MATN1: variants seen among roughly 807,000 people sequenced by gnomAD.
MATN1 encodes matrilin 1.
In MATN1, 34 loss-of-function variants were observed where a neutral mutation model predicts 41.3. The observed-to-expected ratio is 0.82, with a 90% CI of 0.63 to 1.10. The LOEUF is 1.10. MATN1 is among the 50% of genes least tolerant of loss of function. MATN1 has a pLI of 0.00. For synonymous variants in MATN1, 264 were observed against 278.7 expected (o/e 0.95, Z 0.53); for missense variants, 602 against 662.4 (o/e 0.91, Z 1.00).
In MATN1 at chr1:30,721,476, T is replaced by A. The variant is rs1242539245; in HGVS notation, c.370A>T (p.Ile124Phe). The A allele has an allele frequency of 6.2e-7, 1 of 1,613,570 alleles. No homozygotes were observed. The highest frequency in any genetic ancestry group is 8.5e-7 in the Non-Finnish European group (1 of 1,180,008). Residue 124 changes from isoleucine to phenylalanine, a missense_variant, in exon 2 of 8, where the codon ATC (isoleucine) becomes TTC (phenylalanine). Coordinates refer to ENST00000373765, the MANE Select transcript of MATN1 (RefSeq NM_002379.3). ...AAGGCTTTGGTGATAGCGAACTGGA[T>A]GGCCAGGCCGGTCATGGTGCCTGTG... ...LSTGTMTGLA[I>F]QFAITKAFGD... is the part of the protein sequence containing the mutation.
intron 3 of MATN1, 72 bp downstream of exon 3, chr1:30,718,663 A>C (rs1569832586): frequency 1.0e-6 from 1 of 963,766 alleles, no homozygotes; most frequent in Non-Finnish European, 1.3e-6. Context: ...TCCCGCCTCC[A>C]GCCCTGGCCC....
chr1:30,723,516 G>T lies in MATN1; in HGVS notation c.36C>A (p.Cys12Ter). The T allele has an allele frequency of 6.5e-7, 1 of 1,535,808 alleles. No individual in the cohort carries two copies. Among genetic ancestry groups the T allele is most frequent in the South Asian group, 1.2e-5 (1 of 81,408 alleles). ...GGGCCTGGAGCAGCAGCAGCAGGCT[G>T]CAGAGCATGAGGCTAGTGCCAGAGA... ...RVLSGTSLML[C>*]SLLLLLQALC... The change falls in exon 1 of 8, where the codon TGC (cysteine) becomes TGA (stop). Residue 12 changes from cysteine to a stop codon, truncating the protein, a stop_gained. Coordinates refer to ENST00000373765, the MANE Select transcript of MATN1 (RefSeq NM_002379.3). LOFTEE classifies it high-confidence loss of function.
chr1:30,718,789 C>A lies in MATN1; in HGVS notation c.610G>T (p.Glu204Ter), dbSNP rs1209606021. 6.2e-7 allele frequency: 1 copy of A among 1,610,492 alleles called. No individual in the cohort carries two copies. The highest frequency in any genetic ancestry group is 1.3e-5 in the African/African-American group (1 of 74,756). ...AGCTTCTCGATGACGCTGTAGCTCT[C>A]CACGTAATCGACGTGTTCGTCCTGC... ...EPQDEHVDYV[E>*]SYSVIEKLSR... Residue 204 changes from glutamate to a stop codon, truncating the protein, a stop_gained, in exon 3 of 8, where the codon GAG (glutamate) becomes TAG (stop). Transcript: ENST00000373765. LOFTEE classifies it high-confidence loss of function.
intron 3 of MATN1, 52 bp downstream of exon 3, chr1:30,718,683 G>C: frequency 4.7e-5 from 49 of 1,045,850 alleles, no homozygotes; most frequent in Non-Finnish European, 5.5e-5. Flanking sequence ...CCGCCCCGCC[G>C]CTCTCCCCTT....
At position 30,723,582 on chromosome 1, in the gene MATN1, G is replaced by A. The variant is rs771549900; in HGVS notation, c.-31C>T. ...TGGCAGCACGGGCAGCAGCCGGCAC[G>A]GTTGTGGGACCAGTGGGGTCCAGGT... is the stretch of plus-strand genomic sequence containing the variant. On this transcript the variant is annotated 5_prime_UTR_variant, in exon 1 of 8. Transcript: ENST00000373765. 2.4e-5 allele frequency: 36 copies of A among 1,504,978 alleles called. No individual in the cohort carries two copies. The highest frequency in any genetic ancestry group is 3.5e-4 in the Middle Eastern group (2 of 5,688). 93.2% of individuals were successfully genotyped at this position (1,504,978 alleles called of 1,614,324 possible). A position where few individuals can be genotyped will look rare whatever the true frequency, so the allele number is the denominator to read the frequency against.
intron 3 of MATN1, among the ~76,000 whole-genome samples, chr1:30,718,229 T>C (rs1037943467): frequency 6.6e-5 from 10 of 150,484 alleles, no homozygotes; most frequent in African/African-American, 2.5e-4. Flanking sequence ...GCTGACTTTT[T>C]CTGTCTTCAC....
Position 30,721,539 on chromosome 1 carries a change from C to A in MATN1, c.307G>T (p.Ala103Ser), listed in dbSNP as rs368228632. Residue 103 changes from alanine (A) to serine (S), a missense_variant, in exon 2 of 8, where the codon GCA (alanine) becomes TCA (serine). Ala to Ser is a moderately conservative substitution (Grantham distance 99, BLOSUM62 1). Coordinates refer to ENST00000373765, the MANE Select transcript of MATN1 (RefSeq NM_002379.3). ...ATACGGCGCACAGCCTGCAGCAGTG[C>A]GGCCTTGGAGACATGAGCCCGCAGC... ...FSLRAHVSKAALLQAVRRIQP... is the reference protein window; with the variant it reads ...FSLRAHVSKASLLQAVRRIQP... 1.9e-5 allele frequency: 31 copies of A among 1,613,300 alleles called. 1 individual carries two copies. Among genetic ancestry groups the A allele is most frequent in the South Asian group, 1.9e-4 (17 of 91,080 alleles).
chr1:30,722,110 C>T (rs1639702886), intron 1 of MATN1, among the ~76,000 whole-genome samples: 1 of 152,202 alleles, frequency 6.6e-6, no homozygotes, highest in African/African-American at 2.4e-5. Flanking sequence ...CCAGGGGTGG[C>T]AAAGGACCCT....
At position 30,718,874 on chromosome 1, in the gene MATN1, C is replaced by G. The variant is rs746699543; in HGVS notation, c.525G>C (p.Leu175=). 1.2e-6 allele frequency: 2 copies of G among 1,602,406 alleles called. No homozygotes were observed. Among genetic ancestry groups the G allele is most frequent in the South Asian group, 2.2e-5 (2 of 90,138 alleles). The change falls in exon 3 of 8, where the codon CTG becomes CTC. Residue 175 remains leucine, a synonymous_variant. Transcript: ENST00000373765. ...CCACGCTGCCCACTCCGATGGCGAA[C>G]AGCTCGACGCCGCTGGCCCGGGCCC... ...SARARASGVE[L]FAIGVGSVDK...
Position 30,715,914 on chromosome 1 carries a change from T to C in MATN1, c.1202A>G (p.Asp401Gly). The C allele has an allele frequency of 6.2e-7, 1 of 1,612,046 alleles. No homozygotes were observed. The highest frequency in any genetic ancestry group is 2.2e-5 in the East Asian group (1 of 44,836). The change falls in exon 5 of 8, where the codon GAC becomes GGC. Residue 401 changes from aspartate (D) to glycine (G), a missense_variant. Asp to Gly is a moderately conservative substitution (Grantham distance 94, BLOSUM62 -1). Transcript: ENST00000373765. Reference sequence around the variant, plus strand: ...TCCAGGCAGGCAACACCTACCGAGGTCTTTGGCCTTCTTGGCAGCATCATT... The same window carrying C: ...TCCAGGCAGGCAACACCTACCGAGGCCTTTGGCCTTCTTGGCAGCATCATT... ...YINDAAKKAK[D>G]LGFKMFAVGV...
At chr1:30,716,378 C>T (rs1202787934) in intron 4 of MATN1, 53 bp from the exon 5 acceptor site, 5 of 1,563,204 alleles carry the variant, frequency 3.2e-6, no homozygotes, top group Middle Eastern at 3.7e-4. Context: ...AGTCAACCAT[C>T]CTGCTCCCCG....
chr1:30,723,381 T>G (rs1639719851), intron 1 of MATN1, 77 bp downstream of exon 1: 5 of 1,134,008 alleles, frequency 4.4e-6, no homozygotes, highest in African/African-American at 1.7e-5. Context: ...CTCCCTGCCA[T>G]ATCGGTACCC....
At chr1:30,720,351 C>G (rs1639681008) in intron 2 of MATN1, 1 of 152,248 alleles carries the variant, frequency 6.6e-6, no homozygotes, top group Non-Finnish European at 1.5e-5. Flanking sequence ...GCTTCATCTA[C>G]AGCACCCCGT....
chr1:30,718,831 GCCGCAGCGTGGCCTTGTCCA>G lies in MATN1; in HGVS notation c.548_567del (p.Val183AlafsTer44), dbSNP rs2124157110. On this transcript the variant is annotated frameshift_variant, in exon 3 of 8. Coordinates refer to ENST00000373765, the MANE Select transcript of MATN1 (RefSeq NM_002379.3). LOFTEE classifies it high-confidence loss of function. ...TCGTCCTGCGGCTCGCTGGCGATCT[GCCGCAGCGTGGCCTTGTCCA>G]CGCTGCCCACTCCGATGGCGAACAG... The G allele has an allele frequency of 6.2e-7, 1 of 1,609,214 alleles. No homozygotes were observed. The highest frequency in any genetic ancestry group is 1.1e-5 in the South Asian group (1 of 90,514).
At chr1:30,720,898 A>T (rs1230025419) in intron 2 of MATN1, 2 of 153,324 alleles carry the variant, frequency 1.3e-5, no homozygotes, top group African/African-American at 4.8e-5. Flanking sequence ...ATCAAATGCC[A>T]TGATGGGAAG....
chr1:30,717,994 C>T (rs1377484258), intron 3 of MATN1, among the ~76,000 whole-genome samples: 1 of 152,188 alleles, frequency 6.6e-6, no homozygotes, highest in African/African-American at 2.4e-5. Context: ...ACTCCCTTAA[C>T]CTGGGGCTGG....
intron 6 of MATN1, 149 bp downstream of exon 6, chr1:30,715,008 T>C (rs1405591270): frequency 2.4e-6 from 2 of 822,938 alleles, no homozygotes; most frequent in East Asian, 5.1e-5. Flanking sequence ...TAGTAAGAGC[T>C]GTAAGCGCCA....
At chr1:30,714,943 G>A (rs753567425) in intron 6 of MATN1, among the ~76,000 whole-genome samples, 15 of 152,288 alleles carry the variant, frequency 9.8e-5, no homozygotes, top group Non-Finnish European at 1.8e-4. Flanking sequence ...TGTAATATCC[G>A]GAGAGCACTG....
At position 30,715,951 on chromosome 1, in the gene MATN1, G is replaced by T. The variant is rs754746855; in HGVS notation, c.1165C>A (p.Gln389Lys). 1 of 1,614,156 alleles carries T rather than the reference G, an allele frequency of 6.2e-7. No homozygotes were observed. Among genetic ancestry groups the T allele is most frequent in the Non-Finnish European group, 8.5e-7 (1 of 1,180,016 alleles). Residue 389 changes from glutamine (Q) to lysine (K), a missense_variant, in exon 5 of 8, where the codon CAG (glutamine) becomes AAG (lysine). Physicochemically the swap from Gln to Lys is moderately conservative, Grantham distance 53. Transcript: ENST00000373765. ...TTGGCAGCATCATTAATGTAGTCCT[G>T]GCTCCGGCCATCAGTGAAGACAATG... is the stretch of plus-strand genomic sequence containing the variant. ...VGIVFTDGRS[Q>K]DYINDAAKKA... is the part of the protein sequence containing the mutation.
Sources: allele counts gnomAD v4.1 joint callset (sites outside exome capture counted in the v4.1 genomes callset), GRCh38; gene constraint gnomAD v4.1.1; transcripts MANE v1.5; gene names NCBI Gene and HGNC (gene_info 2026-07-23, HGNC 2026-07-21).